Variants in MFN2 observed in about 807,000 individuals in gnomAD.
MFN2 encodes the protein mitofusin 2, also known as mitofusin-2.
Under a neutral mutation model 87.5 loss-of-function variants are expected in MFN2, and 43 were observed. That is an observed-to-expected ratio of 0.49 (90% confidence interval 0.38 to 0.63). MFN2 has a LOEUF of 0.63. MFN2 is among the 30% of genes least tolerant of loss of function. The probability of loss-of-function intolerance (pLI) is 0.00; values close to 1 mark genes in which losing one functional copy is unlikely to be tolerated. For missense variants in MFN2, 743 were observed against 972.8 expected (o/e 0.76, Z 3.14); for synonymous variants, 337 against 359.9 (o/e 0.94, Z 0.72).
At chr1:11,999,181 C>A in intron 8 of MFN2, 86 bp downstream of exon 8, 2 of 1,041,490 alleles carry the variant, frequency 1.9e-6, no homozygotes, top group Non-Finnish European at 1.5e-6. Context: ...ACCCCTGGAT[C>A]TAGTGACTTC....
intron 8 of MFN2, among the ~76,000 whole-genome samples, chr1:11,999,735 G>GA (rs1344063694): frequency 6.6e-6 from 1 of 152,082 alleles, no homozygotes; most frequent in Non-Finnish European, 1.5e-5. Context: ...TAGGCTGAGA[G>GA]AGGATCCCTT....
chr1:11,997,379 C>CT lies in MFN2; in HGVS notation c.558dup (p.Lys187Ter), dbSNP rs772732232. ...CTAGTGAGTGTGATGTGGCCCAACT[C>CT]TAAGTGCCCACTTCTGAAGGATGAC... is the stretch of plus-strand genomic sequence containing the variant. On this transcript the variant is annotated frameshift_variant, in exon 6 of 19. Transcript: ENST00000235329. LOFTEE classifies it high-confidence loss of function. 4.3e-6 allele frequency: 7 copies of CT among 1,614,064 alleles called. No homozygotes were observed. Among genetic ancestry groups the CT allele is most frequent in the Non-Finnish European group, 5.1e-6 (6 of 1,180,028 alleles).
In MFN2 at chr1:12,004,887, C is replaced by G; in HGVS notation, c.1455C>G (p.Ala485=). 1 of 1,613,538 alleles carries G rather than the reference C, an allele frequency of 6.2e-7. No individual in the cohort carries two copies. The highest frequency in any genetic ancestry group is 8.5e-7 in the Non-Finnish European group (1 of 1,179,722). Reference sequence around the variant, plus strand: ...ACATGTCTGACCGCTGCTCCACGGCCATCACCAACTCCCTGCAGACCATGC... The same window carrying G: ...ACATGTCTGACCGCTGCTCCACGGCGATCACCAACTCCCTGCAGACCATGC... ...GRNMSDRCST[A]ITNSLQTMQQ... The change falls in exon 14 of 19, where the codon GCC becomes GCG. Residue 485 remains alanine, a synonymous_variant. Transcript: ENST00000235329. This position sits in a 1 kb window ranked among gnomAD's most constrained non-coding sequence, Gnocchi z 4.2.
intron 5 of MFN2, 22 bp downstream of exon 5, chr1:11,996,340 T>TC (rs770050828): frequency 6.2e-7 from 1 of 1,613,770 alleles, no homozygotes; most frequent in Non-Finnish European, 8.5e-7. Flanking sequence ...AGGCTGGCTG[T>TC]CAGCCCTGTG....
At chr1:12,011,357 T>G in intron 18 of MFN2, 139 bp from the exon 19 acceptor site, 1 of 903,616 alleles carries the variant, frequency 1.1e-6, no homozygotes, top group Non-Finnish European at 1.8e-6. Flanking sequence ...TTTCCCCATC[T>G]GTGAGACAGG....
At chr1:11,981,524 C>A (rs1354971051) in intron 1 of MFN2, among the ~76,000 whole-genome samples, 1 of 152,244 alleles carries the variant, frequency 6.6e-6, no homozygotes, top group Non-Finnish European at 1.5e-5. Flanking sequence ...GACAAATCTT[C>A]AAGTATTCCA....
chr1:12,004,063 T>C lies in MFN2; in HGVS notation c.1232T>C (p.Leu411Ser). ...TTTATTGACAAACAGCTGGAGCTCTTGGCTCAAGACTATAAGCTGCGAATT... is the reference window on the plus strand; with the variant it reads ...TTTATTGACAAACAGCTGGAGCTCTCGGCTCAAGACTATAAGCTGCGAATT... ...LKFIDKQLEL[L>S]AQDYKLRIKQ... The change falls in exon 12 of 19, where the codon TTG (leucine) becomes TCG (serine). Residue 411 changes from leucine to serine, a missense_variant. Transcript: ENST00000235329. This position sits in a 1 kb window ranked among gnomAD's most constrained non-coding sequence, Gnocchi z 4.2. The C allele has an allele frequency of 6.2e-7, 1 of 1,614,158 alleles. No homozygotes were observed. Among genetic ancestry groups the C allele is most frequent in the South Asian group, 1.1e-5 (1 of 91,084 alleles).
In MFN2 at chr1:12,005,171, A is replaced by T. The variant is rs1011147126; in HGVS notation, c.1495+244A>T. Among the ~76,000 whole-genome samples the T allele has an allele frequency of 2.0e-5, 3 of 152,284 alleles. No homozygotes were observed. In the South Asian group the frequency reaches 6.2e-4, roughly 32 times the overall value. On this transcript the variant is annotated intron_variant, in intron 14 of 18. Transcript: ENST00000235329. Reference sequence around the variant, plus strand: ...ATCTTGGCTCACTGCAACCTCTGCCACCGAGGTTCAAGCGATTCTTCTGCT... The same window carrying T: ...ATCTTGGCTCACTGCAACCTCTGCCTCCGAGGTTCAAGCGATTCTTCTGCT...
rs994842563 is a variant in MFN2 at position 11,992,744 on chromosome 1, G to A, written c.311+54G>A. On this transcript the variant is annotated intron_variant, in intron 4 of 18. Transcript: ENST00000235329. ...TTCTTCCTGGCTAGGAGGGAGGGAG[G>A]CACTTTGTGCAAGGTCACAGAACGT... The A allele has an allele frequency of 4.3e-6, 7 of 1,612,154 alleles. No homozygotes were observed. In the South Asian group the frequency reaches 4.4e-5, roughly 10 times the overall value.
chr1:11,998,283 C>T (rs1408886018), intron 6 of MFN2, among the ~76,000 whole-genome samples: 1 of 151,938 alleles, frequency 6.6e-6, no homozygotes, highest in South Asian at 2.1e-4. Context: ...CACGGTGGCT[C>T]ATGCCTGTAA....
In MFN2 at chr1:12,009,676, C is replaced by T. The variant is rs777157555; in HGVS notation, c.2154C>T (p.Asn718=). The part of the protein sequence containing the change: ...ENLEQEIAAM[N]KKIEVLDSLQ... Reference sequence around the variant, plus strand: ...TGGAGCAGGAAATTGCCGCCATGAACAAGAAAATTGAGGTTCTTGACTCAC... The same window carrying T: ...TGGAGCAGGAAATTGCCGCCATGAATAAGAAAATTGAGGTTCTTGACTCAC... The change falls in exon 18 of 19, where the codon AAC becomes AAT. Residue 718 remains asparagine, a synonymous_variant. Transcript: ENST00000235329. 9 of 1,614,104 alleles carry T rather than the reference C, an allele frequency of 5.6e-6. No individual in the cohort carries two copies.
chr1:11,997,434 T>C lies in MFN2; in HGVS notation c.599+13T>C, dbSNP rs770999618. ...TTTTGATGGACAGGTAAGAGGGAGG[T>C]GCCCTCCTAGGAGGTCCAAACTGGA... On this transcript the variant is annotated intron_variant, in intron 6 of 18. Coordinates refer to ENST00000235329, the MANE Select transcript of MFN2 (RefSeq NM_014874.4). 1 of 1,613,264 alleles carries C rather than the reference T, an allele frequency of 6.2e-7. No individual in the cohort carries two copies.
In MFN2 at chr1:12,013,086, T is replaced by C. The variant is rs1639756234; in HGVS notation, c.*1521T>C. ...TGGACTCTGCCAGGTGGACATGCTG[T>C]GGGTGGATGTTCCCGGCGTGTGCCG... On this transcript the variant is annotated 3_prime_UTR_variant, in exon 19 of 19. Transcript: ENST00000235329. 8.8e-6 allele frequency: 3 copies of C among 341,410 alleles called. No individual in the cohort carries two copies. Among genetic ancestry groups the C allele is most frequent in the South Asian group, 6.8e-5 (3 of 44,002 alleles). 21.1% of individuals were successfully genotyped at this position (341,410 alleles called of 1,614,324 possible). A position where few individuals can be genotyped will look rare whatever the true frequency, so the allele number is the denominator to read the frequency against.
Position 12,009,650 on chromosome 1 carries a change from C to G in MFN2, c.2128C>G (p.Leu710Val), listed in dbSNP as rs2100868182. The change falls in exon 18 of 19, where the codon CTG (leucine) becomes GTG (valine). Residue 710 changes from leucine to valine, a missense_variant. Leu to Val is a conservative substitution (Grantham distance 32). Transcript: ENST00000235329. Reference protein sequence around the residue: ...CQQVDVTRENLEQEIAAMNKK... With the variant: ...CQQVDVTRENVEQEIAAMNKK... ...GCAAGTTGACGTCACCCGGGAGAAC[C>G]TGGAGCAGGAAATTGCCGCCATGAA... is the stretch of plus-strand genomic sequence containing the variant. 1 of 1,614,254 alleles carries G rather than the reference C, an allele frequency of 6.2e-7. No individual in the cohort carries two copies. Among genetic ancestry groups the G allele is most frequent in the Non-Finnish European group, 8.5e-7 (1 of 1,180,052 alleles).
At chr1:11,996,106 A>G in intron 4 of MFN2, 50 bp from the exon 5 acceptor site, 1 of 1,612,798 alleles carries the variant, frequency 6.2e-7, no homozygotes, top group Non-Finnish European at 8.5e-7. Flanking sequence ...TGTGAAAGTA[A>G]TTCAGGTCAG....
rs529224795 is a variant in MFN2 at position 12,001,416 on chromosome 1, A to G, written c.832A>G (p.Met278Val). The stretch of plus-strand genomic sequence containing the variant: ...TGGGCTCCAGGTGCGGCGGCAGCAC[A>G]TGGAGCGTTGTACCAGCTTCCTGGT... Reference protein sequence around the residue: ...EYMEEVRRQHMERCTSFLVDE... With the variant: ...EYMEEVRRQHVERCTSFLVDE... Residue 278 changes from methionine to valine, a missense_variant, in exon 9 of 19, where the codon ATG (methionine) becomes GTG (valine). Physicochemically the swap from Met to Val is conservative, Grantham distance 21. Around this residue, in one of 3 missense-constraint regions of MFN2, gnomAD observed 571 missense variants for 670.7 expected, o/e 0.85. Coordinates refer to ENST00000235329, the MANE Select transcript of MFN2 (RefSeq NM_014874.4). 10 of 1,613,802 alleles carry G rather than the reference A, an allele frequency of 6.2e-6. No homozygotes were observed. In the African/African-American group the frequency reaches 1.2e-4, roughly 19 times the overall value.
intron 6 of MFN2, among the ~76,000 whole-genome samples, chr1:11,998,430 G>C (rs890527966): frequency 9.2e-5 from 14 of 151,722 alleles, no homozygotes; most frequent in Non-Finnish European, 2.9e-5. Context: ...TGCCTGTAGT[G>C]CCAGCTACTT....
chr1:11,983,062 TTTTGTTTTTTTTGAGA>T (rs879508194), intron 2 of MFN2, among the ~76,000 whole-genome samples: 11 of 152,074 alleles, frequency 7.2e-5, no homozygotes, highest in Admixed American at 7.2e-4. Flanking sequence ...TTTGTTTGTT[TTTTGTTTTTTTTGAGA>T]CAGAGTCTTG....
Position 12,004,814 on chromosome 1 carries a change from TCTG to T in MFN2, c.1393-10_1393-8del, listed in dbSNP as rs1452549709. The T allele has an allele frequency of 6.2e-7, 1 of 1,612,568 alleles. No homozygotes were observed. The highest frequency in any genetic ancestry group is 8.5e-7 in the Non-Finnish European group (1 of 1,178,760). The stretch of plus-strand genomic sequence containing the variant: ...GACATGCTTCTCTTAACTTCCCTCT[TCTG>T]GTGGCAGGAGCTGCACCGCCACATA... On this transcript the variant is annotated splice_region_variant and splice_polypyrimidine_tract_variant and intron_variant, in intron 13 of 18. Coordinates refer to ENST00000235329, the MANE Select transcript of MFN2 (RefSeq NM_014874.4). The surrounding 1 kb of genome is among the most constrained non-coding windows in gnomAD (Gnocchi z 4.2).
Sources: gnomAD v4.1 joint callset for allele counts (sites outside exome capture counted in the v4.1 genomes callset) on GRCh38, gnomAD v4.1.1 for gene constraint, gnomAD v4.1.1 regional missense constraint, Gnocchi (gnomAD v3.1) non-coding constraint, MANE v1.5 for transcripts, NCBI Gene and HGNC (gene_info 2026-07-23, HGNC 2026-07-21) for gene names.